The following EFCAB13 variants were observed in gnomAD, a reference collection of about 807,000 sequenced individuals.
EFCAB13 encodes EF-hand calcium-binding domain-containing protein 13.
EFCAB13 carries 91 observed loss-of-function variants against 110.2 expected under a neutral mutation model. The observed-to-expected ratio is 0.83, with a 90% confidence interval of 0.70 to 0.98. EFCAB13 has a LOEUF of 0.98. Ranked by LOEUF, EFCAB13 falls within the 50% of genes least tolerant of loss-of-function variation. EFCAB13 has a pLI of 0.00. For missense variants in EFCAB13, 968 were observed against 1,119.4 expected, an observed-to-expected ratio of 0.86 and a Z score of 1.93; for synonymous variants, 323 against 369.9, an observed-to-expected ratio of 0.87 and a Z score of 1.45.
intron 23 of EFCAB13, among the ~76,000 whole-genome samples, chr17:47,415,150 C>T (rs1904394029): frequency 6.6e-6 from 1 of 151,916 alleles, no homozygotes; most frequent in African/African-American, 2.4e-5. Context: ...AAAAACCAAA[C>T]ACCGCATATT....
At chr17:47,378,003 G>T in intron 13 of EFCAB13, 100 bp downstream of exon 13, 1 of 1,075,240 alleles carries the variant, frequency 9.3e-7, no homozygotes. Flanking sequence ...AATTAGGAAT[G>T]GGACAGAATG....
rs1015231564 is a variant in EFCAB13 at position 47,331,566 on chromosome 17, C to G, written c.30+3183C>G. Among the ~76,000 whole-genome samples, 9 of 152,166 alleles carry G rather than the reference C, an allele frequency of 5.9e-5. No homozygotes were observed. The South Asian group carries it at 1.9e-3, about 32-fold the overall frequency. On this transcript the variant is annotated intron_variant, in intron 4 of 24. Coordinates refer to ENST00000331493, the MANE Select transcript of EFCAB13 (RefSeq NM_152347.5). Reference sequence around the variant, plus strand: ...GGTACATTTGTTGTAATTGGTGAACCAACATTGGCACATCATTATCACTCA... The same window carrying G: ...GGTACATTTGTTGTAATTGGTGAACGAACATTGGCACATCATTATCACTCA...
At chr17:47,410,621 A>G (rs916104983) in intron 21 of EFCAB13, among the ~76,000 whole-genome samples, 1 of 152,206 alleles carries the variant, frequency 6.6e-6, no homozygotes, top group Non-Finnish European at 1.5e-5. Context: ...ATTCTTCTTG[A>G]GGCAAATTCT....
intron 23 of EFCAB13, among the ~76,000 whole-genome samples, chr17:47,420,475 C>T (rs996851203): frequency 6.6e-5 from 9 of 137,232 alleles, no homozygotes; most frequent in East Asian, 6.5e-4. Context: ...CATCTCTGCC[C>T]GGCCGCCATC....
At chr17:47,424,082 C>A (rs939600395) in intron 23 of EFCAB13, among the ~76,000 whole-genome samples, 15 of 152,190 alleles carry the variant, frequency 9.9e-5, no homozygotes, top group African/African-American at 2.9e-4. Context: ...TCCCTCTCAC[C>A]CCGGTGGATG....
chr17:47,404,702 A>T, intron 20 of EFCAB13, 69 bp downstream of exon 20: 1 of 1,235,108 alleles, frequency 8.1e-7, no homozygotes, highest in East Asian at 2.4e-5. Context: ...ACCTAGTAAA[A>T]CCCTAAATTT....
At chr17:47,366,327 T>C (rs900638095) in intron 10 of EFCAB13, among the ~76,000 whole-genome samples, 17 of 152,120 alleles carry the variant, frequency 1.1e-4, no homozygotes, top group African/African-American at 2.4e-4. Context: ...TTTTTTTTTT[T>C]TCTCTCATGG....
At chr17:47,407,493 C>T (rs556510210) in intron 20 of EFCAB13, among the ~76,000 whole-genome samples, 1 of 152,174 alleles carries the variant, frequency 6.6e-6, no homozygotes, top group Admixed American at 6.5e-5. Context: ...GATCCATGGA[C>T]TGAATTACAT....
At chr17:47,371,623 A>AT (rs1555581378) in intron 11 of EFCAB13, among the ~76,000 whole-genome samples, 8 of 151,358 alleles carry the variant, frequency 5.3e-5, no homozygotes, top group African/African-American at 1.5e-4. Flanking sequence ...CTCTGTGTCC[A>AT]TTTTTTTTGA....
At position 47,368,358 on chromosome 17, in the gene EFCAB13, A is replaced by C. The variant is rs561101981; in HGVS notation, c.806-2079A>C. ...TCTATTGTGTTGACAGTGTATTAGT[A>C]AAAGTGGCAGACCCACGGTTCATTG... On this transcript the variant is annotated intron_variant, in intron 10 of 24. Transcript: ENST00000331493. Among the ~76,000 whole-genome samples the C allele has an allele frequency of 5.9e-5, 9 of 152,294 alleles. No homozygotes were observed. The South Asian group carries it at 1.9e-3, about 32-fold the overall frequency.
intron 2 of EFCAB13, among the ~76,000 whole-genome samples, chr17:47,325,030 C>CCCCCCCTTTTTTTTTTTTTTTTTTT (rs1187065378): frequency 8.6e-6 from 1 of 116,718 alleles, no homozygotes; most frequent in East Asian, 2.5e-4. Context: ...CCCCACCCCC[C>CCCCCCCTTTTTTTTTTTTTTTTTTT]TTTTTTTTTT....
intron 23 of EFCAB13, among the ~76,000 whole-genome samples, chr17:47,422,084 A>G (rs189666607): frequency 6.6e-6 from 1 of 152,340 alleles, no homozygotes; most frequent in East Asian, 1.9e-4. Context: ...CTAGTGATAT[A>G]TAAAAAGGAA....
intron 23 of EFCAB13, among the ~76,000 whole-genome samples, chr17:47,419,942 C>CT (rs1904581833): frequency 6.6e-6 from 1 of 151,696 alleles, no homozygotes; most frequent in African/African-American, 2.4e-5. Context: ...CCCTCTCCCT[C>CT]CCTCTCCCCA....
chr17:47,369,033 T>C (rs2065565879), intron 10 of EFCAB13, among the ~76,000 whole-genome samples: 1 of 152,222 alleles, frequency 6.6e-6, no homozygotes. Context: ...TAGAAAGTTA[T>C]GTGGCAGATA....
At chr17:47,398,326 C>T (rs866197775) in intron 17 of EFCAB13, among the ~76,000 whole-genome samples, 1 of 149,454 alleles carries the variant, frequency 6.7e-6, no homozygotes, top group Non-Finnish European at 1.5e-5. Flanking sequence ...AAGTGAGGAG[C>T]CCCTCTGCCC....
At chr17:47,378,309 T>G (rs532387420) in intron 13 of EFCAB13, among the ~76,000 whole-genome samples, 30 of 152,256 alleles carry the variant, frequency 2.0e-4, no homozygotes, top group African/African-American at 7.0e-4. Flanking sequence ...TACGGGGGAA[T>G]TTAGAGCCAG....
At chr17:47,366,959 T>C (rs1014347699) in intron 10 of EFCAB13, among the ~76,000 whole-genome samples, 1 of 152,208 alleles carries the variant, frequency 6.6e-6, no homozygotes, top group African/African-American at 2.4e-5. Flanking sequence ...GATTAATACA[T>C]GTATGGTCTA....
intron 5 of EFCAB13, among the ~76,000 whole-genome samples, chr17:47,337,483 T>TA (rs201388848): frequency 0.01 from 1,548 of 152,108 alleles, 13 homozygotes; most frequent in Middle Eastern, 0.031. Context: ...TATATAAAAA[T>TA]AAAAAAAATT....
intron 23 of EFCAB13, among the ~76,000 whole-genome samples, chr17:47,421,639 A>AAG (rs1294592498): frequency 4.4e-5 from 3 of 68,836 alleles, no homozygotes; most frequent in African/African-American, 3.0e-4. Context: ...AAAAGAAAGA[A>AAG]AGAAAAAAAA....
Sources: gnomAD v4.1 joint callset for allele counts (sites outside exome capture counted in the v4.1 genomes callset) on GRCh38, gnomAD v4.1.1 for gene constraint, MANE v1.5 for transcripts, NCBI Gene and HGNC (gene_info 2026-07-23, HGNC 2026-07-21) for gene names.